The following LDB2 variants were observed in gnomAD, a reference collection of about 807,000 sequenced individuals.
LDB2 encodes the protein LIM domain-binding protein 2.
In LDB2, 12 loss-of-function variants were observed where a neutral mutation model predicts 44.3. That is an observed-to-expected ratio of 0.27 (90% CI 0.17 to 0.44). The LOEUF (loss-of-function observed/expected upper bound fraction) is 0.44, where lower values mean the gene tolerates loss of function less well. LDB2 is among the 20% of genes least tolerant of loss of function. LDB2 has a pLI of 1.00. For synonymous variants in LDB2, 164 were observed against 174.8 expected (o/e 0.94, Z 0.49); for missense variants, 344 against 473.5 (o/e 0.73, Z 2.54).
chr4:16,652,315 T>C (rs1226780813), intron 2 of LDB2, among the ~76,000 whole-genome samples: 1 of 152,108 alleles, frequency 6.6e-6, no homozygotes, highest in Non-Finnish European at 1.5e-5. Context: ...GCAAAGCACA[T>C]GAAACTAAAA....
At chr4:16,793,171 A>C (rs558780514) in intron 1 of LDB2, among the ~76,000 whole-genome samples, 3 of 152,352 alleles carry the variant, frequency 2.0e-5, no homozygotes, top group East Asian at 3.9e-4. Context: ...TTCAGCTGAC[A>C]AAAGGGAAGC....
intron 1 of LDB2, among the ~76,000 whole-genome samples, chr4:16,864,316 A>G (rs13113385): frequency 0.86 from 131,073 of 152,190 alleles, 56,587 homozygotes; most frequent in African/African-American, 0.92. Flanking sequence ...AAACACAGGG[A>G]AAAATCAAAG....
At chr4:16,809,153 G>A (rs1779313005) in intron 1 of LDB2, among the ~76,000 whole-genome samples, 1 of 152,130 alleles carries the variant, frequency 6.6e-6, no homozygotes, top group Admixed American at 6.6e-5. Context: ...CTGGGCCCCT[G>A]AATCATTATG....
intron 2 of LDB2, among the ~76,000 whole-genome samples, chr4:16,696,931 G>A (rs1752253570): frequency 1.3e-5 from 2 of 152,072 alleles, no homozygotes; most frequent in Admixed American, 1.3e-4. Context: ...AAGTCACCCA[G>A]GTGATTCTAA....
At chr4:16,736,601 C>T (rs1761958563) in intron 2 of LDB2, among the ~76,000 whole-genome samples, 1 of 152,176 alleles carries the variant, frequency 6.6e-6, no homozygotes, top group African/African-American at 2.4e-5. Flanking sequence ...GCCCTTGCCA[C>T]ACAAGTGGTT....
chr4:16,719,240 A>C (rs766684802), intron 2 of LDB2, among the ~76,000 whole-genome samples: 1 of 152,154 alleles, frequency 6.6e-6, no homozygotes, highest in Non-Finnish European at 1.5e-5. Context: ...CAACTGGTAG[A>C]TTACTCCTTC....
At chr4:16,585,884 A>G in intron 5 of LDB2, 38 bp downstream of exon 5, 3 of 1,546,852 alleles carry the variant, frequency 1.9e-6, no homozygotes, top group Admixed American at 3.3e-5. Context: ...AGTACTTTTC[A>G]AACTCACCAA....
rs191572322 is a variant in LDB2, at chr4:16,557,278, G to A, written c.615+28644C>T. Among the ~76,000 whole-genome samples, 327 of 152,330 alleles carry A rather than the reference G, an allele frequency of 2.1e-3. 3 individuals are homozygous for A. Among genetic ancestry groups the A allele is most frequent in the African/African-American group, 6.9e-3 (286 of 41,582 alleles). On this transcript the variant is annotated intron_variant, in intron 5 of 7. Coordinates refer to ENST00000304523, the MANE Select transcript of LDB2 (RefSeq NM_001290.5). Reference sequence around the variant, plus strand: ...TGAGGCATTGCCTTACTCGGGAAGCGCAAGGGGTCAGGGAGTTCCCTTTCT... The same window carrying A: ...TGAGGCATTGCCTTACTCGGGAAGCACAAGGGGTCAGGGAGTTCCCTTTCT...
chr4:16,583,054 G>A (rs756560239), intron 5 of LDB2, among the ~76,000 whole-genome samples: 3 of 152,196 alleles, frequency 2.0e-5, no homozygotes, highest in Non-Finnish European at 4.4e-5. Flanking sequence ...AATGTCCACA[G>A]CTCGGCCATC....
chr4:16,721,082 T>C (rs1471188469), intron 2 of LDB2, among the ~76,000 whole-genome samples: 1 of 152,200 alleles, frequency 6.6e-6, no homozygotes, highest in African/African-American at 2.4e-5. Context: ...CCTCTGGCAA[T>C]TTACATATTT....
intron 5 of LDB2, among the ~76,000 whole-genome samples, chr4:16,584,533 C>A (rs115334319): frequency 6.6e-6 from 1 of 152,202 alleles, no homozygotes; most frequent in Admixed American, 6.5e-5. Flanking sequence ...GGTAATGGGG[C>A]ACAGGGTCCA....
At chr4:16,674,219 C>G (rs142277187) in intron 2 of LDB2, 24 of 1,287,098 alleles carry the variant, frequency 1.9e-5, no homozygotes, top group Non-Finnish European at 2.4e-5. Flanking sequence ...AACAGAAAAG[C>G]AATTACATGA....
chr4:16,706,429 G>A (rs961450475), intron 2 of LDB2, among the ~76,000 whole-genome samples: 7 of 152,204 alleles, frequency 4.6e-5, no homozygotes, highest in South Asian at 2.1e-4. Context: ...GCCCTCCTCG[G>A]ATATTTAATC....
At chr4:16,850,796 G>A (rs1234656100) in intron 1 of LDB2, among the ~76,000 whole-genome samples, 1 of 152,190 alleles carries the variant, frequency 6.6e-6, no homozygotes, top group Non-Finnish European at 1.5e-5. Context: ...GGTGAGTTTG[G>A]TTTGGGAGTT....
intron 5 of LDB2, among the ~76,000 whole-genome samples, chr4:16,538,571 A>T (rs1322182513): frequency 6.6e-6 from 1 of 152,144 alleles, no homozygotes; most frequent in African/African-American, 2.4e-5. Context: ...TTGCTTGCTG[A>T]GCACCTGCTA....
chr4:16,738,779 G>A (rs1220057474), intron 2 of LDB2, among the ~76,000 whole-genome samples: 3 of 152,182 alleles, frequency 2.0e-5, no homozygotes, highest in South Asian at 2.1e-4. Flanking sequence ...ATGAATATGC[G>A]AATGGATGAA....
intron 2 of LDB2, among the ~76,000 whole-genome samples, chr4:16,598,763 CAG>C (rs1160444349): frequency 2.0e-5 from 3 of 152,122 alleles, no homozygotes; most frequent in East Asian, 1.9e-4. Context: ...AGCAAATTGA[CAG>C]AGAGTCTTCA....
intron 2 of LDB2, among the ~76,000 whole-genome samples, chr4:16,690,077 G>A (rs1750260414): frequency 6.6e-6 from 1 of 152,230 alleles, no homozygotes. Context: ...AAATAAAGAT[G>A]GTTGGGCTAA....
intron 1 of LDB2, among the ~76,000 whole-genome samples, chr4:16,833,544 CTTT>C (rs34692758): frequency 1.0e-4 from 13 of 129,818 alleles, no homozygotes; most frequent in Non-Finnish European, 1.1e-4. Flanking sequence ...ATCTTTTCCT[CTTT>C]TTTTTTTTTT....
Sources: allele counts gnomAD v4.1 joint callset (sites outside exome capture counted in the v4.1 genomes callset), GRCh38; gene constraint gnomAD v4.1.1; transcripts MANE v1.5; gene names NCBI Gene and HGNC (gene_info 2026-07-23, HGNC 2026-07-21).